The following TUBA1C variants were observed in gnomAD, a reference collection of about 807,000 sequenced individuals.
TUBA1C encodes tubulin alpha 1c.
A neutral mutation model predicts 34.9 loss-of-function variants in TUBA1C; 16 were observed. The observed-to-expected ratio is 0.46, with a 90% CI of 0.31 to 0.70. The LOEUF is 0.70. Among genes scored for constraint, TUBA1C ranks in the 30% least tolerant of loss-of-function variants. The pLI, the probability that TUBA1C is intolerant of heterozygous loss-of-function variation, is 0.05. For missense variants in TUBA1C, 329 were observed against 587.3 expected (o/e 0.56, Z 4.55); for synonymous variants, 177 against 215.9 (o/e 0.82, Z 1.58).
At chr12:49,236,542 A>G (rs1004708907) in intron 1 of TUBA1C, among the ~76,000 whole-genome samples, 1 of 152,250 alleles carries the variant, frequency 6.6e-6, no homozygotes, top group Non-Finnish European at 1.5e-5. Flanking sequence ...TATCAACAGT[A>G]TAGCCTACTG....
At chr12:49,247,099 C>A (rs1942677598) in intron 1 of TUBA1C, among the ~76,000 whole-genome samples, 1 of 147,104 alleles carries the variant, frequency 6.8e-6, no homozygotes. Flanking sequence ...GCGATCATGT[C>A]ACTGCACTCC....
At chr12:49,264,716 A>C, upstream of TUBA1C, 2 of 156,398 alleles carry the variant, frequency 1.3e-5, no homozygotes, top group Admixed American at 6.5e-5. Flanking sequence ...GGGACGGGGC[A>C]GACGTCCGGC....
At chr12:49,245,213 G>A (rs1942654916) in intron 1 of TUBA1C, among the ~76,000 whole-genome samples, 1 of 152,016 alleles carries the variant, frequency 6.6e-6, no homozygotes, top group Non-Finnish European at 1.5e-5. Flanking sequence ...GAAGAGGTGG[G>A]CAAATTCTTT....
chr12:49,228,304 TTTATC>T, intron 1 of TUBA1C: 1 of 805,372 alleles, frequency 1.2e-6, no homozygotes, highest in South Asian at 1.9e-5. Flanking sequence ...GGCATTAGTG[TTTATC>T]TTATTATTTC....
Position 49,229,169 on chromosome 12 carries a change from A to G in TUBA1C, c.213+1003A>G, listed in dbSNP as rs190755750. 4.8e-3 allele frequency among the ~76,000 whole-genome samples: 726 copies of G among 152,174 alleles called. 2 individuals are homozygous for G. The highest frequency in any genetic ancestry group is 9.5e-3 in the Admixed American group (145 of 15,250). ...TTCCCCACTTTACTGCATGTTGCGA[A>G]CCTTTATCTTTTTTGCGTGCGTGTG... On this transcript the variant is annotated intron_variant, in intron 1 of 3. Transcript: ENST00000541364.
At chr12:49,255,374 C>T (rs1025619675) in intron 1 of TUBA1C, among the ~76,000 whole-genome samples, 11 of 150,584 alleles carry the variant, frequency 7.3e-5, no homozygotes, top group Non-Finnish European at 1.2e-4. Flanking sequence ...CCAACTACCA[C>T]TTTCCCCAGC....
intron 1 of TUBA1C, among the ~76,000 whole-genome samples, chr12:49,251,602 CCT>C (rs2137003090): frequency 6.6e-6 from 1 of 151,762 alleles, no homozygotes; most frequent in South Asian, 2.1e-4. Context: ...TTGTGAAACC[CCT>C]GTCTCTACTA....
upstream of TUBA1C, among the ~76,000 whole-genome samples, chr12:49,263,610 G>A (rs1389852646): frequency 6.6e-6 from 1 of 152,100 alleles, no homozygotes; most frequent in Non-Finnish European, 1.5e-5. Flanking sequence ...TTACAGGCAT[G>A]AGCCACCGTG....
rs1942502306 is a variant in TUBA1C at position 49,231,962 on chromosome 12, A to G, written c.213+3796A>G. Among the ~76,000 whole-genome samples, 3 of 152,352 alleles carry G rather than the reference A, an allele frequency of 2.0e-5. No individual in the cohort carries two copies. In the South Asian group the frequency reaches 6.2e-4, roughly 32 times the overall value. Reference sequence around the variant, plus strand: ...GAACGTCACCTATAGAACCTGAGCCATTAGATCATCTATCCCTAAACGCTA... The same window carrying G: ...GAACGTCACCTATAGAACCTGAGCCGTTAGATCATCTATCCCTAAACGCTA... On this transcript the variant is annotated intron_variant, in intron 1 of 3. Coordinates refer to the TUBA1C transcript ENST00000541364.
At chr12:49,236,584 C>A (rs529466422) in intron 1 of TUBA1C, among the ~76,000 whole-genome samples, 2 of 152,278 alleles carry the variant, frequency 1.3e-5, no homozygotes, top group East Asian at 3.9e-4. Flanking sequence ...CCTTGGGGTC[C>A]ATGTCATGTG....
intron 3 of TUBA1C, 141 bp from the exon 4 acceptor site, chr12:49,272,112 G>A: frequency 7.0e-7 from 1 of 1,420,284 alleles, no homozygotes; most frequent in Non-Finnish European, 9.4e-7. Context: ...ACAGGCGTGA[G>A]CCACTGCGCC....
upstream of TUBA1C, among the ~76,000 whole-genome samples, chr12:49,262,926 C>A (rs1235576310): frequency 1.3e-5 from 2 of 151,940 alleles, no homozygotes; most frequent in Non-Finnish European, 2.9e-5. Flanking sequence ...TAACTGTCTA[C>A]CCAGGAAATT....
At chr12:49,237,759 A>C (rs1242909703) in intron 1 of TUBA1C, among the ~76,000 whole-genome samples, 1 of 144,238 alleles carries the variant, frequency 6.9e-6, no homozygotes, top group African/African-American at 2.6e-5. Context: ...AGAGAGAGAG[A>C]GAAAGAGGGG....
At chr12:49,272,107 C>T (rs552943176) in intron 3 of TUBA1C, 146 bp from the exon 4 acceptor site, 23 of 1,386,478 alleles carry the variant, frequency 1.7e-5, no homozygotes, top group African/African-American at 1.6e-4. Flanking sequence ...TGATTACAGG[C>T]GTGAGCCACT....
chr12:49,247,811 G>A (rs1399498642), intron 1 of TUBA1C, among the ~76,000 whole-genome samples: 1 of 149,798 alleles, frequency 6.7e-6, no homozygotes, highest in East Asian at 2.0e-4. Flanking sequence ...AGCCAGGCAT[G>A]GTGGCATGCA....
intron 1 of TUBA1C, among the ~76,000 whole-genome samples, chr12:49,250,520 T>C (rs1015544977): frequency 1.5e-5 from 2 of 129,280 alleles, no homozygotes; most frequent in African/African-American, 6.1e-5. Flanking sequence ...TGAGACTCCG[T>C]CTCAAAAAAA....
chr12:49,234,939 T>A (rs879747452), intron 1 of TUBA1C, among the ~76,000 whole-genome samples: 4 of 151,994 alleles, frequency 2.6e-5, no homozygotes, highest in East Asian at 1.9e-4. Flanking sequence ...TGCCTCAGAC[T>A]CCCGAGTATT....
At chr12:49,265,277 G>T (rs1942891027) in intron 1 of TUBA1C, 93 bp downstream of exon 1, 2 of 1,004,758 alleles carry the variant, frequency 2.0e-6, no homozygotes, top group Non-Finnish European at 2.9e-6. Context: ...CCGCGCCCAG[G>T]ACAGCTCCAG....
chr12:49,227,937 G>C (rs1219116461), exon 1 of TUBA1C: 1 of 1,535,048 alleles, frequency 6.5e-7, no homozygotes, highest in South Asian at 1.2e-5. Flanking sequence ...AGTGAACAAT[G>C]GGCGCCCAGC....
Sources: gnomAD v4.1 joint callset for allele counts (sites outside exome capture counted in the v4.1 genomes callset) on GRCh38, gnomAD v4.1.1 for gene constraint, MANE v1.5 for transcripts, NCBI Gene and HGNC (gene_info 2026-07-23, HGNC 2026-07-21) for gene names.